NTM: variants seen among roughly 807,000 people sequenced by gnomAD.
NTM encodes the protein IgLON family member 2.
A neutral mutation model predicts 42.1 loss-of-function variants in NTM; 13 were observed. The ratio of observed to expected loss-of-function variants is 0.31; its 90% confidence interval spans 0.20 to 0.49. The LOEUF is 0.49. Ranked by LOEUF, NTM falls within the 20% of genes least tolerant of loss-of-function variation. The probability of loss-of-function intolerance (pLI) is 0.99; values close to 1 mark genes in which losing one functional copy is unlikely to be tolerated. For synonymous variants in NTM, 187 were observed against 179.2 expected (o/e 1.04, Z -0.35); for missense variants, 373 against 452.8 (o/e 0.82, Z 1.60).
At chr11:132,006,953 G>A (rs1032169708) in intron 2 of NTM, among the ~76,000 whole-genome samples, 3 of 152,192 alleles carry the variant, frequency 2.0e-5, no homozygotes, top group African/African-American at 7.2e-5. Flanking sequence ...CAAATGACGT[G>A]TGTCACCCTG....
At chr11:132,048,240 C>A (rs1162109154) in intron 2 of NTM, among the ~76,000 whole-genome samples, 2 of 152,132 alleles carry the variant, frequency 1.3e-5, no homozygotes, top group Admixed American at 1.3e-4. Context: ...TGTTAGACAG[C>A]AATACCCCCC....
intron 1 of NTM, among the ~76,000 whole-genome samples, chr11:131,496,673 C>A (rs1368636132): frequency 1.3e-5 from 2 of 152,210 alleles, no homozygotes; most frequent in Admixed American, 6.5e-5. Flanking sequence ...TATTTGGGGG[C>A]ATTTAGCTTG....
At chr11:132,279,831 A>C (rs78730221) in intron 4 of NTM, among the ~76,000 whole-genome samples, 1,856 of 152,298 alleles carry the variant, frequency 0.012, 45 homozygotes, top group African/African-American at 0.041. Context: ...CATACCTTCC[A>C]TATAAAGATT....
At chr11:131,774,173 A>C (rs748671924) in intron 1 of NTM, 25 of 952,998 alleles carry the variant, frequency 2.6e-5, no homozygotes, top group Non-Finnish European at 3.1e-5. Context: ...GCTCTAAGAG[A>C]TTTTCTTTAT....
At chr11:131,951,356 C>A (rs1490421662) in intron 2 of NTM, among the ~76,000 whole-genome samples, 2 of 152,074 alleles carry the variant, frequency 1.3e-5, no homozygotes, top group Admixed American at 6.6e-5. Flanking sequence ...TCCTCTACAG[C>A]CAAATTAAAT....
intron 1 of NTM, among the ~76,000 whole-genome samples, chr11:131,450,041 G>C (rs910016995): frequency 2.0e-5 from 3 of 152,188 alleles, no homozygotes; most frequent in Non-Finnish European, 4.4e-5. Flanking sequence ...GCTGCTGTAA[G>C]TGCCACAGCT....
At chr11:131,696,220 G>C (rs563161290) in intron 1 of NTM, among the ~76,000 whole-genome samples, 2 of 152,186 alleles carry the variant, frequency 1.3e-5, no homozygotes, top group Admixed American at 6.5e-5. Flanking sequence ...TCATTGTCAC[G>C]TGATGACTGT....
intron 2 of NTM, among the ~76,000 whole-genome samples, chr11:132,073,048 C>T (rs1319687408): frequency 7.2e-5 from 11 of 152,286 alleles, no homozygotes; most frequent in South Asian, 6.2e-4. Flanking sequence ...CCTGCAGCCA[C>T]GGAGTCCCTC....
chr11:131,809,429 G>T lies in NTM; in HGVS notation c.83-102135G>T, dbSNP rs758832669. ...AGGGATTTGCTGGCATCAGTCCCTGGCCATGCCTCATGGAGCAGCTGATCA... is the reference window on the plus strand; with the variant it reads ...AGGGATTTGCTGGCATCAGTCCCTGTCCATGCCTCATGGAGCAGCTGATCA... On this transcript the variant is annotated intron_variant, in intron 1 of 8. Transcript: ENST00000683400. Among the ~76,000 whole-genome samples, 6 of 152,290 alleles carry T rather than the reference G, an allele frequency of 3.9e-5. No individual in the cohort carries two copies. In the South Asian group the frequency reaches 6.2e-4, roughly 16 times the overall value.
chr11:132,026,326 C>A (rs1472269081), intron 2 of NTM, among the ~76,000 whole-genome samples: 1 of 152,164 alleles, frequency 6.6e-6, no homozygotes, highest in Non-Finnish European at 1.5e-5. Context: ...ATGCCCCTGG[C>A]TTTCCACCTT....
intron 1 of NTM, among the ~76,000 whole-genome samples, chr11:131,868,525 C>A (rs1290927186): frequency 2.6e-5 from 4 of 152,188 alleles, no homozygotes; most frequent in Non-Finnish European, 5.9e-5. Flanking sequence ...GCTGCAGAAT[C>A]AAACCCGGCT....
At chr11:132,309,991 A>T in intron 5 of NTM, 121 bp from the exon 6 acceptor site, 1 of 1,222,210 alleles carries the variant, frequency 8.2e-7, no homozygotes, top group Non-Finnish European at 1.1e-6. Context: ...GGGAGGCAGA[A>T]CGTGCAGTGA....
chr11:131,480,814 T>C (rs1225704256), intron 1 of NTM, among the ~76,000 whole-genome samples: 1 of 152,140 alleles, frequency 6.6e-6, no homozygotes, highest in Admixed American at 6.5e-5. Context: ...GGAAACTCAT[T>C]TCTTTCCATC....
chr11:131,777,432 C>T (rs1274805184), intron 1 of NTM, among the ~76,000 whole-genome samples: 2 of 138,366 alleles, frequency 1.4e-5, no homozygotes, highest in African/African-American at 5.4e-5. Flanking sequence ...TTTATGAGTA[C>T]ATCCCCCCCA....
intron 1 of NTM, among the ~76,000 whole-genome samples, chr11:131,388,090 C>T (rs887880660): frequency 6.6e-6 from 1 of 152,142 alleles, no homozygotes; most frequent in East Asian, 1.9e-4. Context: ...GTTGGGAGCT[C>T]TTTCTGGAAG....
chr11:131,417,219 A>T (rs1947048343), intron 1 of NTM, among the ~76,000 whole-genome samples: 1 of 152,228 alleles, frequency 6.6e-6, no homozygotes, highest in Admixed American at 6.5e-5. Context: ...AGGACTGTTC[A>T]TTAAACACAA....
At chr11:131,844,471 C>G (rs2136715342) in intron 1 of NTM, among the ~76,000 whole-genome samples, 1 of 152,296 alleles carries the variant, frequency 6.6e-6, no homozygotes, top group Non-Finnish European at 1.5e-5. Context: ...TTGTTCATCG[C>G]TCTAAAATTA....
At chr11:131,533,332 C>T (rs781615409) in intron 1 of NTM, among the ~76,000 whole-genome samples, 1 of 152,164 alleles carries the variant, frequency 6.6e-6, no homozygotes, top group Admixed American at 6.5e-5. Context: ...AAGCGTCGAG[C>T]GTGATTTACA....
At chr11:132,176,126 T>C (rs775204315) in intron 3 of NTM, among the ~76,000 whole-genome samples, 1 of 152,166 alleles carries the variant, frequency 6.6e-6, no homozygotes, top group Non-Finnish European at 1.5e-5. Flanking sequence ...ATTTTCCTGT[T>C]AGTTAAGTGT....
Sources: allele counts gnomAD v4.1 joint callset (sites outside exome capture counted in the v4.1 genomes callset), GRCh38; gene constraint gnomAD v4.1.1; transcripts MANE v1.5; gene names NCBI Gene and HGNC (gene_info 2026-07-23, HGNC 2026-07-21).